RBMS1: variants seen among roughly 807,000 people sequenced by gnomAD.
RBMS1 encodes RNA-binding motif, single-stranded-interacting protein 1.
Under a neutral mutation model 62.3 loss-of-function variants are expected in RBMS1, and 17 were observed. The observed-to-expected ratio is 0.27, with a 90% CI of 0.19 to 0.41. The LOEUF is 0.41. Ranked by LOEUF, RBMS1 falls within the 10% of genes least tolerant of loss-of-function variation. The pLI, the probability that RBMS1 is intolerant of heterozygous loss-of-function variation, is 1.00. For synonymous variants in RBMS1, 172 were observed against 170.0 expected, an observed-to-expected ratio of 1.01 and a Z score of -0.09; for missense variants, 334 against 504.5, an observed-to-expected ratio of 0.66 and a Z score of 3.24.
chr2:160,319,491 G>A (rs1690430597), intron 2 of RBMS1, among the ~76,000 whole-genome samples: 1 of 152,130 alleles, frequency 6.6e-6, no homozygotes, highest in Non-Finnish European at 1.5e-5. Flanking sequence ...CACCCTGGGC[G>A]ACAGAGCAAG....
chr2:160,371,731 C>T (rs892494926), intron 1 of RBMS1, among the ~76,000 whole-genome samples: 4 of 152,142 alleles, frequency 2.6e-5, no homozygotes, highest in Non-Finnish European at 4.4e-5. Flanking sequence ...GTATGGACAG[C>T]ACTCAGAGAG....
chr2:160,409,081 T>A (rs1287162384), intron 1 of RBMS1, among the ~76,000 whole-genome samples: 1 of 152,208 alleles, frequency 6.6e-6, no homozygotes, highest in Non-Finnish European at 1.5e-5. Context: ...TGAAGTCTTC[T>A]GGCAAAGCTG....
intron 2 of RBMS1, among the ~76,000 whole-genome samples, chr2:160,354,817 C>T (rs1041980197): frequency 1.3e-5 from 2 of 152,062 alleles, no homozygotes; most frequent in Non-Finnish European, 2.9e-5. Flanking sequence ...TTTAGACAAG[C>T]GTTAAGTCTG....
At chr2:160,364,925 T>C (rs1346246859) in intron 2 of RBMS1, among the ~76,000 whole-genome samples, 1 of 152,216 alleles carries the variant, frequency 6.6e-6, no homozygotes, top group African/African-American at 2.4e-5. Context: ...TAGTTCTAAG[T>C]ATTTCTTTTC....
At chr2:160,475,703 T>C (rs112103557) in intron 1 of RBMS1, among the ~76,000 whole-genome samples, 1 of 152,242 alleles carries the variant, frequency 6.6e-6, no homozygotes. Context: ...GACACAGTTT[T>C]AGGTCCTTAG....
chr2:160,396,869 A>C (rs1450168333), intron 1 of RBMS1, among the ~76,000 whole-genome samples: 1 of 152,032 alleles, frequency 6.6e-6, no homozygotes, highest in Non-Finnish European at 1.5e-5. Context: ...AGCCGTAGGG[A>C]ATGTCTACCT....
chr2:160,458,931 G>A (rs897300847), intron 1 of RBMS1, among the ~76,000 whole-genome samples: 2 of 152,162 alleles, frequency 1.3e-5, no homozygotes, highest in African/African-American at 4.8e-5. Context: ...GATGCACACA[G>A]CCCTTATGTG....
intron 1 of RBMS1, among the ~76,000 whole-genome samples, chr2:160,382,382 G>A (rs144892686): frequency 6.6e-6 from 1 of 152,240 alleles, no homozygotes; most frequent in East Asian, 1.9e-4. Context: ...TCCATGACAG[G>A]TGGACTTTTA....
At chr2:160,476,355 A>G (rs934210445) in intron 1 of RBMS1, among the ~76,000 whole-genome samples, 4 of 152,182 alleles carry the variant, frequency 2.6e-5, no homozygotes, top group Non-Finnish European at 4.4e-5. Flanking sequence ...AATTTAGGCT[A>G]AAAGCTCATT....
At chr2:160,428,170 T>C (rs887425312) in intron 1 of RBMS1, among the ~76,000 whole-genome samples, 7 of 152,136 alleles carry the variant, frequency 4.6e-5, no homozygotes, top group African/African-American at 1.2e-4. Context: ...ATCAAAGTTA[T>C]ACTCAATTTC....
chr2:160,464,183 A>G (rs1229200726), intron 1 of RBMS1, among the ~76,000 whole-genome samples: 4 of 151,074 alleles, frequency 2.6e-5, no homozygotes, highest in African/African-American at 4.9e-5. Flanking sequence ...ACACATGCAT[A>G]CAGAGATCCA....
chr2:160,490,318 AC>A (rs1157068279), intron 1 of RBMS1, among the ~76,000 whole-genome samples: 4 of 151,322 alleles, frequency 2.6e-5, no homozygotes, highest in Non-Finnish European at 5.9e-5. Flanking sequence ...AAAAAAAAAA[AC>A]AAAAAACCAA....
chr2:160,465,514 C>A (rs993093183), intron 1 of RBMS1, among the ~76,000 whole-genome samples: 2 of 152,168 alleles, frequency 1.3e-5, no homozygotes, highest in Non-Finnish European at 2.9e-5. Context: ...GTATCTCTTA[C>A]TCTCAGAGAA....
intron 1 of RBMS1, among the ~76,000 whole-genome samples, chr2:160,435,853 T>A (rs1258207397): frequency 6.6e-6 from 1 of 152,180 alleles, no homozygotes; most frequent in Non-Finnish European, 1.5e-5. Flanking sequence ...TGACTTAGAG[T>A]GTGTAACTAA....
intron 3 of RBMS1, among the ~76,000 whole-genome samples, chr2:160,316,781 G>C (rs1450825273): frequency 1.3e-5 from 2 of 152,170 alleles, no homozygotes; most frequent in Non-Finnish European, 2.9e-5. Context: ...GAAAAAGAGA[G>C]GAGGTAGGGT....
In RBMS1 at chr2:160,285,043, G is replaced by A. The variant is rs2105934964; in HGVS notation, c.758C>T (p.Ala253Val). Residue 253 changes from alanine (A) to valine (V), a missense_variant and splice_region_variant, in exon 8 of 14, where the codon GCT becomes GTT. By Grantham distance (64) the Ala-to-Val change is moderately conservative. Around this residue, in one of 3 missense-constraint regions of RBMS1, gnomAD observed 182 missense variants for 257.7 expected, o/e 0.71. Coordinates refer to ENST00000348849, the MANE Select transcript of RBMS1 (RefSeq NM_016836.4). ...PWHREGEVRL[A>V]GMTLTYDPTT... ...TGGGTCGTAAGTAAGTGTCATTCCA[G>A]CCTATGGGAAAGAGAAAGAAATATA... is the stretch of plus-strand genomic sequence containing the variant. 3.7e-6 allele frequency: 6 copies of A among 1,611,654 alleles called. No homozygotes were observed. In the East Asian group the frequency reaches 1.3e-4, roughly 36 times the overall value.
At chr2:160,437,850 T>C (rs958668862) in intron 1 of RBMS1, among the ~76,000 whole-genome samples, 4 of 152,342 alleles carry the variant, frequency 2.6e-5, no homozygotes, top group South Asian at 4.1e-4. Context: ...AAGTTCCAAT[T>C]ATCGCCATAT....
intron 1 of RBMS1, among the ~76,000 whole-genome samples, chr2:160,397,940 T>C (rs543865421): frequency 2.6e-4 from 39 of 152,310 alleles, no homozygotes; most frequent in South Asian, 8.3e-4. Context: ...CTGCCCAATA[T>C]AGAATCTGTG....
In RBMS1 at chr2:160,380,065, T is replaced by C. The variant is rs577845844; in HGVS notation, c.76-12674A>G. ...AAACATGCAATCTTTCATTTTCCAT[T>C]GTTATCCCAGATTAAACTAATTAGT... On this transcript the variant is annotated intron_variant, in intron 1 of 13. Transcript: ENST00000348849. Among the ~76,000 whole-genome samples the C allele has an allele frequency of 2.0e-5, 3 of 152,348 alleles. No homozygotes were observed. The South Asian group carries it at 6.2e-4, about 32-fold the overall frequency.
Sources: allele counts gnomAD v4.1 joint callset (sites outside exome capture counted in the v4.1 genomes callset), GRCh38; gene constraint gnomAD v4.1.1; regional missense constraint gnomAD v4.1.1; transcripts MANE v1.5; gene names NCBI Gene and HGNC (gene_info 2026-07-23, HGNC 2026-07-21).